BRAT1: variants seen among roughly 807,000 people sequenced by gnomAD.
The protein encoded by BRAT1 is integrator complex assembly factor BRAT1.
A neutral mutation model predicts 70.6 loss-of-function variants in BRAT1; 74 were observed. The ratio of observed to expected loss-of-function variants is 1.05; its 90% CI spans 0.87 to 1.27. The LOEUF (loss-of-function observed/expected upper bound fraction) is 1.27. Ranked by LOEUF, BRAT1 falls within the 50% of genes most tolerant of loss-of-function variation. The probability of loss-of-function intolerance (pLI) is 0.00; values close to 1 mark genes in which losing one functional copy is unlikely to be tolerated. For synonymous variants in BRAT1, 615 were observed against 517.1 expected, an observed-to-expected ratio of 1.19 and a Z score of -2.57; for missense variants, 1,203 against 1,098.2, an observed-to-expected ratio of 1.10 and a Z score of -1.35.
intron 2 of BRAT1, among the ~76,000 whole-genome samples, chr7:2,552,091 TATATATATA>T (rs1562593363): frequency 5.1e-4 from 9 of 17,624 alleles, no homozygotes; most frequent in Non-Finnish European, 8.2e-4. Flanking sequence ...AATATATATA[TATATATATA>T]TATATATTTT....
At chr7:2,544,843 G>A in intron 4 of BRAT1, 66 bp downstream of exon 4, 5 of 1,532,370 alleles carry the variant, frequency 3.3e-6, no homozygotes, top group Non-Finnish European at 3.5e-6. Context: ...ATTCAGCAAG[G>A]TGCAGTGAAT....
Position 2,538,579 on chromosome 7 carries a change from G to A in BRAT1, c.1956C>T (p.Ala652=). 1 of 1,599,052 alleles carries A rather than the reference G, an allele frequency of 6.3e-7. No homozygotes were observed. The highest frequency in any genetic ancestry group is 8.5e-7 in the Non-Finnish European group (1 of 1,178,170). Residue 652 remains alanine (A), a synonymous_variant, in exon 14 of 14, where the codon GCC becomes GCT. Coordinates refer to ENST00000340611, the MANE Select transcript of BRAT1 (RefSeq NM_152743.4). ...ASRDLDWEVR[A]QGLELALVFL... Reference sequence around the variant, plus strand: ...ACACGAGGGCCAGCTCCAGGCCCTGGGCGCGGACCTCCCAGTCCAGGTCTC... The same window carrying A: ...ACACGAGGGCCAGCTCCAGGCCCTGAGCGCGGACCTCCCAGTCCAGGTCTC...
intron 3 of BRAT1, 73 bp downstream of exon 3, chr7:2,547,251 C>T: frequency 6.4e-7 from 1 of 1,563,586 alleles, no homozygotes; most frequent in Non-Finnish European, 8.8e-7. Context: ...GCTACAAATG[C>T]CCCACCTGGC....
At chr7:2,544,200 G>GTTGTTTTTTTT (rs1430991888) in intron 4 of BRAT1, 1 of 105,714 alleles carries the variant, frequency 9.5e-6, no homozygotes, top group Non-Finnish European at 1.7e-5. Flanking sequence ...CCTTCTTGTT[G>GTTGTTTTTTTT]TTTTTTTTTT....
chr7:2,538,413 A>G lies in BRAT1; in HGVS notation c.2122T>C (p.Leu708=). 6.2e-7 allele frequency: 1 copy of G among 1,613,544 alleles called. No homozygotes were observed. The highest frequency in any genetic ancestry group is 8.5e-7 in the Non-Finnish European group (1 of 1,179,954). The change falls in exon 14 of 14, where the codon TTG becomes CTG. Residue 708 remains leucine, a synonymous_variant. Coordinates refer to ENST00000340611, the MANE Select transcript of BRAT1 (RefSeq NM_152743.4). ...GCCACAGGGCGGTCGCAGTCAAACA[A>G]GGCACAAAAGGCGAAGTCAAAGAGC... ...VGLFDFAFCA[L]FDCDRPVAQK...
intron 10 of BRAT1, 200 bp from the exon 11 acceptor site, chr7:2,540,088 A>T: frequency 1.9e-6 from 1 of 517,442 alleles, no homozygotes; most frequent in Non-Finnish European, 3.4e-6. Context: ...CTGCAATCAC[A>T]GTTCACTGCA....
chr7:2,539,987 A>G lies in BRAT1; in HGVS notation c.1396-99T>C, dbSNP rs529330648. ...CACCTGTGCTGCCCGTACTCCAGGGACAGCAATGGGGACAGGAAGTGGAGA... is the reference window on the plus strand; with the variant it reads ...CACCTGTGCTGCCCGTACTCCAGGGGCAGCAATGGGGACAGGAAGTGGAGA... On this transcript the variant is annotated intron_variant, in intron 10 of 13. Transcript: ENST00000340611. 1.5e-5 allele frequency: 12 copies of G among 827,488 alleles called. No homozygotes were observed. The East Asian group carries it at 2.9e-4, about 20-fold the overall frequency. 51.3% of individuals were successfully genotyped at this position (827,488 alleles called of 1,614,324 possible). A position where few individuals can be genotyped will look rare whatever the true frequency, so the allele number is the denominator to read the frequency against.
At chr7:2,544,820 A>AAT in intron 4 of BRAT1, 89 bp downstream of exon 4, 13 of 1,506,834 alleles carry the variant, frequency 8.6e-6, no homozygotes, top group East Asian at 7.5e-5. Flanking sequence ...CATCGCACAG[A>AAT]CCAGACACTC....
At chr7:2,549,930 A>G (rs1779876247) in intron 2 of BRAT1, among the ~76,000 whole-genome samples, 1 of 152,168 alleles carries the variant, frequency 6.6e-6, no homozygotes, top group African/African-American at 2.4e-5. Flanking sequence ...TCCTACATCT[A>G]TGTATACCTA....
At position 2,541,805 on chromosome 7, in the gene BRAT1, C is replaced by G; in HGVS notation, c.1047G>C (p.Thr349=). ...GLLDGTADDA[T]TVDTLLASKS... is the part of the protein sequence containing the mutation. ...TGGAGGCCAGGAGTGTGTCCACCGT[C>G]GTGGCATCGTCTGCCGTCCCGTCCA... Residue 349 remains threonine, a synonymous_variant, in exon 8 of 14, where the codon ACG becomes ACC. Coordinates refer to ENST00000340611, the MANE Select transcript of BRAT1 (RefSeq NM_152743.4). The G allele has an allele frequency of 6.2e-7, 1 of 1,612,810 alleles. No individual in the cohort carries two copies. The highest frequency in any genetic ancestry group is 8.5e-7 in the Non-Finnish European group (1 of 1,179,888).
intron 8 of BRAT1, 44 bp from the exon 9 acceptor site, chr7:2,541,528 C>T (rs372925007): frequency 5.2e-5 from 78 of 1,503,602 alleles, no homozygotes; most frequent in South Asian, 9.0e-5. Context: ...GTCCCACTGC[C>T]GGCGTGGATG....
Position 2,550,494 on chromosome 7 carries a change from AG to A in BRAT1, c.128-3017del, listed in dbSNP as rs1562591238. On this transcript the variant is annotated intron_variant, in intron 2 of 13. Coordinates refer to ENST00000340611, the MANE Select transcript of BRAT1 (RefSeq NM_152743.4). ...AAAAAAAAAAAACAAAAAAAAAAAA[AG>A]AAAGAAAAGAAAAAGAAAAAAATAA... 5.9e-3 allele frequency among the ~76,000 whole-genome samples: 738 copies of A among 126,018 alleles called. 10 individuals carry two copies. Among genetic ancestry groups the A allele is most frequent in the East Asian group, 0.022 (66 of 2,940 alleles). The allele number at this position is 126,018 out of a possible 152,430, so 82.7% of individuals were successfully genotyped here. A position where few individuals can be genotyped will look rare whatever the true frequency, so the allele number is the denominator to read the frequency against.
At chr7:2,542,058 C>T in intron 7 of BRAT1, 62 bp downstream of exon 7, 3 of 1,411,526 alleles carry the variant, frequency 2.1e-6, no homozygotes, top group Non-Finnish European at 2.8e-6. Flanking sequence ...TCTCATCCAT[C>T]TCCCTTCCCC....
In BRAT1 at chr7:2,553,034, G is replaced by A. The variant is rs139166159; in HGVS notation, c.127+1271C>T. 8.0e-3 allele frequency among the ~76,000 whole-genome samples: 1,210 copies of A among 151,794 alleles called. 24 individuals carry two copies. Among genetic ancestry groups the A allele is most frequent in the African/African-American group, 0.028 (1,148 of 41,408 alleles). On this transcript the variant is annotated intron_variant, in intron 2 of 13. Coordinates refer to ENST00000340611, the MANE Select transcript of BRAT1 (RefSeq NM_152743.4). ...GCTGGGATTACAGGCTTGAGCCACCGCGCTCGACTGACACTATTTTTTTGA... is the reference window on the plus strand; with the variant it reads ...GCTGGGATTACAGGCTTGAGCCACCACGCTCGACTGACACTATTTTTTTGA...
At position 2,554,547 on chromosome 7, in the gene BRAT1, C is replaced by T. The variant is rs1866019; in HGVS notation, c.-16-100G>A. 170,324 of 1,383,660 alleles carry T rather than the reference C, an allele frequency of 0.12. 11,085 individuals carry two copies. The highest frequency in any genetic ancestry group is 0.21 in the African/African-American group (14,467 of 69,040). The allele number at this position is 1,383,660 out of a possible 1,614,324, so 85.7% of individuals were successfully genotyped here. A position where few individuals can be genotyped will look rare whatever the true frequency, so the allele number is the denominator to read the frequency against. ...ATGCCTGCTCAGGCCTGGGAAGGGG[C>T]CCCAGAACTTTCATCTCAGACCAGG... is the stretch of plus-strand genomic sequence containing the variant. On this transcript the variant is annotated intron_variant, in intron 1 of 13. Coordinates refer to ENST00000340611, the MANE Select transcript of BRAT1 (RefSeq NM_152743.4).
Position 2,541,302 on chromosome 7 carries a change from C to T in BRAT1, c.1317G>A (p.Gly439=). The T allele has an allele frequency of 6.3e-7, 1 of 1,588,982 alleles. No homozygotes were observed. Among genetic ancestry groups the T allele is most frequent in the Non-Finnish European group, 8.5e-7 (1 of 1,171,590 alleles). ...ALDFLGTLSQ[G]TGPQELVTQA... ...AGCCGTACAGAACACACTCACCTGT[C>T]CCCTGTGACAGCGTCCCCAGGAAGT... The change falls in exon 9 of 14, where the codon GGG becomes GGA. Residue 439 remains glycine, a synonymous_variant. Transcript: ENST00000340611.
chr7:2,551,959 GT>G (rs1780035514), intron 2 of BRAT1, among the ~76,000 whole-genome samples: 1 of 147,486 alleles, frequency 6.8e-6, no homozygotes, highest in Admixed American at 6.8e-5. Flanking sequence ...TAACTTGTGG[GT>G]GAAAAAAAAA....
At chr7:2,539,034 G>A (rs1250863168) in intron 13 of BRAT1, 145 bp downstream of exon 13, 3 of 1,443,836 alleles carry the variant, frequency 2.1e-6, no homozygotes, top group Non-Finnish European at 2.7e-6. Flanking sequence ...CACAGCCCCA[G>A]GGCCTCGGCA....
Position 2,543,294 on chromosome 7 carries a change from C to T in BRAT1, c.833G>A (p.Ser278Asn). 6.2e-7 allele frequency: 1 copy of T among 1,608,932 alleles called. No individual in the cohort carries two copies. The highest frequency in any genetic ancestry group is 8.5e-7 in the Non-Finnish European group (1 of 1,177,528). The change falls in exon 6 of 14, where the codon AGC becomes AAC. Residue 278 changes from serine (S) to asparagine (N), a missense_variant. Coordinates refer to ENST00000340611, the MANE Select transcript of BRAT1 (RefSeq NM_152743.4). This position sits in a 1 kb window ranked among gnomAD's most constrained non-coding sequence, Gnocchi z 5.5. Reference sequence around the variant, plus strand: ...AGCCCGCGCCACTGTCTCCCACAGGCTGCCGTCGGAAGAACTGAACACGGG... The same window carrying T: ...AGCCCGCGCCACTGTCTCCCACAGGTTGCCGTCGGAAGAACTGAACACGGG... Reference protein sequence around the residue: ...RSPVFSSSDGSLWETVARALS... With the variant: ...RSPVFSSSDGNLWETVARALS...
Sources: gnomAD v4.1 joint callset for allele counts (sites outside exome capture counted in the v4.1 genomes callset) on GRCh38, gnomAD v4.1.1 for gene constraint, Gnocchi (gnomAD v3.1) non-coding constraint, MANE v1.5 for transcripts, NCBI Gene and HGNC (gene_info 2026-07-23, HGNC 2026-07-21) for gene names.